The following STS variants were observed in gnomAD, a reference collection of about 807,000 sequenced individuals.
STS encodes steroid sulfatase.
In STS, 7 loss-of-function variants were observed where a neutral mutation model predicts 26.8. The ratio of observed to expected loss-of-function variants is 0.26; its 90% CI spans 0.15 to 0.49. STS has a LOEUF of 0.49. Among genes scored for constraint, STS ranks in the 20% least tolerant of loss-of-function variants. STS has a pLI of 0.98. For synonymous variants in STS, 199 were observed against 189.4 expected (o/e 1.05, Z -0.42); for missense variants, 434 against 465.6 (o/e 0.93, Z 0.63).
chrX:7,181,205 C>A (rs1933673834), intron 1 of STS, among the ~76,000 whole-genome samples: 1 of 112,450 alleles, frequency 8.9e-6, no homozygotes, highest in African/African-American at 3.2e-5. Flanking sequence ...CCCCAAATCT[C>A]AGTGTTACAC....
chrX:7,342,254 G>C (rs1387242439), intron 10 of STS, among the ~76,000 whole-genome samples: 2 of 111,727 alleles, frequency 1.8e-5, no homozygotes, highest in Non-Finnish European at 3.8e-5. Context: ...ACTGAGTGAT[G>C]AAAAGTGGTG....
At position 7,350,117 on chromosome X, in the gene STS, A is replaced by G; in HGVS notation, c.1593A>G (p.Arg531=). Reference sequence around the variant, plus strand: ...AAGTCATGCAGGAAGCTGCGGACAGACACACCCAGACCCTGCCAGAGGTGC... The same window carrying G: ...AAGTCATGCAGGAAGCTGCGGACAGGCACACCCAGACCCTGCCAGAGGTGC... ...ILKVMQEAAD[R]HTQTLPEVPD... Residue 531 remains arginine, a synonymous_variant, in exon 11 of 11, where the codon AGA becomes AGG. Transcript: ENST00000674429. 1 of 1,212,072 alleles carries G rather than the reference A, an allele frequency of 8.3e-7. No homozygotes were observed. Among genetic ancestry groups the G allele is most frequent in the Non-Finnish European group, 1.1e-6 (1 of 895,487 alleles).
intron 7 of STS, among the ~76,000 whole-genome samples, chrX:7,298,127 A>G (rs1925755090): frequency 9.0e-6 from 1 of 111,714 alleles, no homozygotes; most frequent in East Asian, 2.8e-4. Context: ...AGCCATACAA[A>G]CACCAATATT....
rs764858485 is a variant in STS, at chrX:7,338,719, A to G, written c.1363+4612A>G. ...TAAATAAAGCTTTATTTTAAAAATG[A>G]CAATACTAGGAACATTTGAATGATT... On this transcript the variant is annotated intron_variant, in intron 10 of 10. Coordinates refer to ENST00000674429, the MANE Select transcript of STS (RefSeq NM_001320752.2). 7.1e-5 allele frequency among the ~76,000 whole-genome samples: 8 copies of G among 111,989 alleles called. No homozygotes were observed. The East Asian group carries it at 2.3e-3, about 32-fold the overall frequency.
chrX:7,173,784 G>A (rs1427284942), intron 1 of STS, among the ~76,000 whole-genome samples: 1 of 111,767 alleles, frequency 8.9e-6, no homozygotes, highest in African/African-American at 3.3e-5. Flanking sequence ...TTTTTAATGG[G>A]GTTGTGATCA....
chrX:7,174,826 C>T lies in STS; in HGVS notation c.-133-16054C>T, dbSNP rs771384635. Among the ~76,000 whole-genome samples the T allele has an allele frequency of 8.5e-4, 94 of 111,134 alleles. 1 individual carries two copies. Among genetic ancestry groups the T allele is most frequent in the Middle Eastern group, 4.7e-3 (1 of 215 alleles). ...ATCAGATCTGCCTCCCTAACTTGTA[C>T]TCAGTCCTTAGATGGGCCCTGATTG... is the stretch of plus-strand genomic sequence containing the variant. On this transcript the variant is annotated intron_variant, in intron 1 of 10. Transcript: ENST00000674429.
At chrX:7,322,602 T>C (rs1384620723) in intron 8 of STS, among the ~76,000 whole-genome samples, 1 of 111,919 alleles carries the variant, frequency 8.9e-6, no homozygotes, top group Non-Finnish European at 1.9e-5. Flanking sequence ...GATTTCACCA[T>C]GTTGGCCAGG....
At chrX:7,309,182 A>AT (rs1479702077) in intron 8 of STS, among the ~76,000 whole-genome samples, 1 of 111,660 alleles carries the variant, frequency 9.0e-6, no homozygotes, top group African/African-American at 3.3e-5. Context: ...AAAATGTGGT[A>AT]TATATACACC....
chrX:7,150,406 A>G (rs1317548100), intron 1 of STS, among the ~76,000 whole-genome samples: 1 of 110,341 alleles, frequency 9.1e-6, no homozygotes, highest in Non-Finnish European at 1.9e-5. Context: ...ATTTTTTAGT[A>G]GAGATGGGGT....
intron 6 of STS, among the ~76,000 whole-genome samples, chrX:7,265,859 A>T (rs1923979277): frequency 8.9e-6 from 1 of 112,337 alleles, no homozygotes; most frequent in Non-Finnish European, 1.9e-5. Flanking sequence ...TGATTCACAA[A>T]ATATAATATC....
At chrX:7,197,974 ATATT>A (rs1346815980) in intron 2 of STS, among the ~76,000 whole-genome samples, 1 of 112,362 alleles carries the variant, frequency 8.9e-6, no homozygotes, top group African/African-American at 3.2e-5. Context: ...TAAAAATTAT[ATATT>A]TTTGGATTTC....
intron 1 of STS, among the ~76,000 whole-genome samples, chrX:7,180,603 ACT>A: frequency 9.0e-6 from 1 of 111,537 alleles, no homozygotes; most frequent in Admixed American, 9.5e-5. Context: ...AACAGCCTTG[ACT>A]CTCACATTCT....
At chrX:7,336,689 A>G (rs1324786608) in intron 10 of STS, among the ~76,000 whole-genome samples, 2 of 112,396 alleles carry the variant, frequency 1.8e-5, no homozygotes, top group African/African-American at 3.2e-5. Flanking sequence ...ATGAGAGCTC[A>G]AGGACTCTTA....
chrX:7,159,848 GA>G (rs1933207152), intron 1 of STS, among the ~76,000 whole-genome samples: 1 of 112,042 alleles, frequency 8.9e-6, no homozygotes, highest in African/African-American at 3.2e-5. Context: ...TAGATTCGCT[GA>G]TTACTCAGTG....
chrX:7,169,740 A>T (rs1375879928), intron 1 of STS, among the ~76,000 whole-genome samples: 2 of 112,183 alleles, frequency 1.8e-5, no homozygotes, highest in African/African-American at 6.5e-5. Context: ...GGTTTGGCTT[A>T]GGAAGGTGCA....
chrX:7,150,901 T>C (rs1261949134), intron 1 of STS, among the ~76,000 whole-genome samples: 2 of 112,535 alleles, frequency 1.8e-5, no homozygotes, highest in African/African-American at 6.5e-5. Flanking sequence ...GTTTCTATGC[T>C]GATGGGGATG....
intron 1 of STS, among the ~76,000 whole-genome samples, chrX:7,189,417 T>C (rs1156422508): frequency 8.9e-6 from 1 of 111,794 alleles, no homozygotes; most frequent in Non-Finnish European, 1.9e-5. Context: ...TTTCCAGCTT[T>C]GAGGGACAAA....
At chrX:7,324,727 G>A (rs977180449) in intron 8 of STS, among the ~76,000 whole-genome samples, 18 of 111,469 alleles carry the variant, frequency 1.6e-4, no homozygotes, top group African/African-American at 5.9e-4. Flanking sequence ...CTGAACTAGT[G>A]TTTCAGGTTA....
chrX:7,186,348 G>A (rs1220286719), intron 1 of STS, among the ~76,000 whole-genome samples: 2 of 112,324 alleles, frequency 1.8e-5, no homozygotes, highest in African/African-American at 6.5e-5. Flanking sequence ...GACAAGGAGA[G>A]TGTTCTGGGC....
Sources: gnomAD v4.1 joint callset for allele counts (sites outside exome capture counted in the v4.1 genomes callset) on GRCh38, gnomAD v4.1.1 for gene constraint, MANE v1.5 for transcripts, NCBI Gene and HGNC (gene_info 2026-07-23, HGNC 2026-07-21) for gene names.